Variants in NBAS observed in about 807,000 individuals in gnomAD.
NBAS encodes the protein NBAS subunit of NRZ tethering complex, also known as NAG/BC035112 fusion.
A neutral mutation model predicts 302.5 loss-of-function variants in NBAS; 219 were observed. The observed-to-expected ratio is 0.72, with a 90% CI of 0.65 to 0.81. The LOEUF (loss-of-function observed/expected upper bound fraction) is 0.81, where lower values mean the gene tolerates loss of function less well. NBAS is among the 30% of genes least tolerant of loss of function. The pLI, the probability that NBAS is intolerant of heterozygous loss-of-function variation, is 0.00. For missense variants in NBAS, 2,932 were observed against 2,841.6 expected (o/e 1.03, Z -0.72); for synonymous variants, 1,118 against 1,021.6 (o/e 1.09, Z -1.80).
At chr2:15,184,598 T>A (rs1664988634) in intron 50 of NBAS, among the ~76,000 whole-genome samples, 1 of 152,156 alleles carries the variant, frequency 6.6e-6, no homozygotes, top group African/African-American at 2.4e-5. Context: ...GAGGTGGAAC[T>A]GAGACAGTAA....
chr2:15,157,568 A>G, the NBAS span, among the ~76,000 whole-genome samples: 5 of 152,158 alleles, frequency 3.3e-5, no homozygotes, highest in African/African-American at 1.2e-4. Context: ...GTCTTAAGAT[A>G]CTAACCAGGC....
chr2:15,301,407 C>A lies in NBAS; in HGVS notation c.4797+6809G>T, dbSNP rs550598248. Among the ~76,000 whole-genome samples, 15 of 152,342 alleles carry A rather than the reference C, an allele frequency of 9.8e-5. No individual in the cohort carries two copies. The South Asian group carries it at 2.9e-3, about 29-fold the overall frequency. ...AAGACAGCTGTTTAGAAAAATCCCA[C>A]ACCGTGTTCTGCTCTGCTCTCACAC... is the stretch of plus-strand genomic sequence containing the variant. On this transcript the variant is annotated intron_variant, in intron 40 of 51. Transcript: ENST00000281513.
chr2:14,779,562 T>C, the NBAS span, among the ~76,000 whole-genome samples: 5 of 152,166 alleles, frequency 3.3e-5, no homozygotes, highest in African/African-American at 4.8e-5. Flanking sequence ...AGTGCCTTTG[T>C]GCCTGCTATC....
the NBAS span, among the ~76,000 whole-genome samples, chr2:15,158,334 C>T: frequency 2.6e-5 from 4 of 152,110 alleles, no homozygotes; most frequent in Admixed American, 2.0e-4. Flanking sequence ...CTCTCCCTTT[C>T]GGCAAGCCTG....
At chr2:15,026,462 C>CAAAAAAAAAAAAAAAAA in the NBAS span, among the ~76,000 whole-genome samples, 1 of 4,532 alleles carries the variant, frequency 2.2e-4, no homozygotes, top group Non-Finnish European at 2.9e-4. Context: ...GACTCCGTCT[C>CAAAAAAAAAAAAAAAAA]AAAAAAAAAA....
At chr2:15,332,550 T>A (rs537138994) in intron 35 of NBAS, among the ~76,000 whole-genome samples, 1 of 151,708 alleles carries the variant, frequency 6.6e-6, no homozygotes, top group East Asian at 1.9e-4. Context: ...AAAAAAAAAA[T>A]AAAATTGTTT....
At chr2:15,326,833 T>C (rs1023703756) in intron 38 of NBAS, among the ~76,000 whole-genome samples, 19 of 152,086 alleles carry the variant, frequency 1.2e-4, no homozygotes, top group Admixed American at 2.0e-4. Flanking sequence ...GCACAGTGGA[T>C]AGGGAAGTGG....
the NBAS span, among the ~76,000 whole-genome samples, chr2:15,038,806 A>G: frequency 6.6e-6 from 1 of 152,234 alleles, no homozygotes; most frequent in Non-Finnish European, 1.5e-5. Context: ...TAGCCACTCC[A>G]TGCTGCCTGG....
chr2:14,998,652 T>C, the NBAS span, among the ~76,000 whole-genome samples: 1 of 152,222 alleles, frequency 6.6e-6, no homozygotes, highest in African/African-American at 2.4e-5. Context: ...TTCCACATTC[T>C]AGACTTGTAT....
intron 35 of NBAS, among the ~76,000 whole-genome samples, chr2:15,331,967 G>A (rs1672374828): frequency 6.6e-6 from 1 of 152,186 alleles, no homozygotes; most frequent in Non-Finnish European, 1.5e-5. Context: ...CAGGGAGAGT[G>A]AGTGTCAGAG....
At chr2:15,054,871 G>C in the NBAS span, among the ~76,000 whole-genome samples, 3 of 152,152 alleles carry the variant, frequency 2.0e-5, no homozygotes, top group Non-Finnish European at 4.4e-5. Flanking sequence ...TGTTAATAGA[G>C]AGTCCAAAAA....
chr2:14,798,441 G>T, the NBAS span, among the ~76,000 whole-genome samples: 3 of 152,148 alleles, frequency 2.0e-5, no homozygotes. Context: ...ACTTGTTCAT[G>T]ATGTAATTTT....
intron 9 of NBAS, among the ~76,000 whole-genome samples, chr2:15,523,342 A>G (rs894424898): frequency 2.0e-5 from 3 of 152,200 alleles, no homozygotes; most frequent in African/African-American, 7.2e-5. Context: ...AGGAAAAAAA[A>G]TGGATGGTTG....
intron 41 of NBAS, among the ~76,000 whole-genome samples, chr2:15,290,126 G>GAGAGAGA (rs1210621157): frequency 4.0e-5 from 6 of 151,592 alleles, no homozygotes; most frequent in Non-Finnish European, 8.8e-5. Context: ...GGGGAGAGAG[G>GAGAGAGA]AGAGAGAAGA....
At chr2:15,234,295 G>C (rs1558460378) in intron 46 of NBAS, among the ~76,000 whole-genome samples, 1 of 152,124 alleles carries the variant, frequency 6.6e-6, no homozygotes, top group Non-Finnish European at 1.5e-5. Flanking sequence ...CTTATTTCAA[G>C]AAAAGATTGT....
At chr2:15,549,878 C>T (rs1360251079) in intron 6 of NBAS, among the ~76,000 whole-genome samples, 1 of 152,120 alleles carries the variant, frequency 6.6e-6, no homozygotes, top group African/African-American at 2.4e-5. Flanking sequence ...AAAGGCTGGG[C>T]ACAGTGGCTC....
At chr2:15,328,773 T>A (rs1193483664) in intron 36 of NBAS, among the ~76,000 whole-genome samples, 1 of 152,180 alleles carries the variant, frequency 6.6e-6, no homozygotes, top group Non-Finnish European at 1.5e-5. Flanking sequence ...TCATTTGAGG[T>A]TGTTAAATGT....
chr2:14,822,564 G>T, the NBAS span, among the ~76,000 whole-genome samples: 2 of 152,156 alleles, frequency 1.3e-5, no homozygotes, highest in Non-Finnish European at 2.9e-5. Context: ...GGTAGATCTA[G>T]TCTAATGCAA....
chr2:14,813,569 G>C, the NBAS span, among the ~76,000 whole-genome samples: 12 of 152,134 alleles, frequency 7.9e-5, no homozygotes, highest in Non-Finnish European at 2.9e-5. Context: ...TTCAAGATGT[G>C]ATCTTGCTGC....
Sources: allele counts gnomAD v4.1 joint callset (sites outside exome capture counted in the v4.1 genomes callset), GRCh38; gene constraint gnomAD v4.1.1; transcripts MANE v1.5; gene names NCBI Gene and HGNC (gene_info 2026-07-23, HGNC 2026-07-21).